Variants in SGCZ observed in about 807,000 individuals in gnomAD.
SGCZ encodes zeta-sarcoglycan.
SGCZ carries 40 observed loss-of-function variants against 41.3 expected under a neutral mutation model. The ratio of observed to expected loss-of-function variants is 0.97; its 90% CI spans 0.75 to 1.26. SGCZ has a LOEUF of 1.26. Ranked by LOEUF, SGCZ falls within the 50% of genes most tolerant of loss-of-function variation. SGCZ has a pLI of 0.00. For missense variants in SGCZ, 552 were observed against 369.8 expected (o/e 1.49, Z -4.04); for synonymous variants, 206 against 137.5 (o/e 1.50, Z -3.49).
intron 1 of SGCZ, among the ~76,000 whole-genome samples, chr8:14,611,140 G>A (rs1028555277): frequency 2.0e-4 from 30 of 152,166 alleles, no homozygotes; most frequent in African/African-American, 7.2e-4. Flanking sequence ...TTTTCTTTAT[G>A]AATATATTTC....
intron 2 of SGCZ, among the ~76,000 whole-genome samples, chr8:14,391,279 C>A (rs1320005874): frequency 6.6e-6 from 1 of 152,096 alleles, no homozygotes; most frequent in South Asian, 2.1e-4. Context: ...GTTAAAACTT[C>A]TTTAACTTGG....
chr8:14,590,319 C>G (rs1805200691), intron 1 of SGCZ, among the ~76,000 whole-genome samples: 1 of 151,768 alleles, frequency 6.6e-6, no homozygotes, highest in African/African-American at 2.4e-5. Flanking sequence ...TATAAAGAAG[C>G]TCATGACAGA....
chr8:14,157,336 CTGTGTGTGTG>C (rs71209015), intron 5 of SGCZ, among the ~76,000 whole-genome samples: 2 of 138,890 alleles, frequency 1.4e-5, no homozygotes, highest in Middle Eastern at 3.7e-3. Context: ...ATATATGCCT[CTGTGTGTGTG>C]TGTGTGTGTG....
At chr8:14,476,927 G>A (rs1262659225) in intron 2 of SGCZ, among the ~76,000 whole-genome samples, 4 of 152,036 alleles carry the variant, frequency 2.6e-5, no homozygotes, top group Admixed American at 6.6e-5. Context: ...CATTCCCCTC[G>A]TTGTGCTTTC....
At chr8:14,823,707 T>C (rs978077013) in intron 1 of SGCZ, among the ~76,000 whole-genome samples, 9 of 152,202 alleles carry the variant, frequency 5.9e-5, no homozygotes, top group African/African-American at 2.2e-4. Context: ...TACCATATCA[T>C]CCAGCAATTC....
At chr8:14,856,826 A>T (rs1369013175) in intron 1 of SGCZ, among the ~76,000 whole-genome samples, 1 of 152,148 alleles carries the variant, frequency 6.6e-6, no homozygotes, top group Non-Finnish European at 1.5e-5. Flanking sequence ...TTGTTAAGTA[A>T]TTAAAAGCAA....
intron 1 of SGCZ, among the ~76,000 whole-genome samples, chr8:15,211,446 C>A (rs928367425): frequency 3.3e-5 from 5 of 152,050 alleles, no homozygotes; most frequent in African/African-American, 1.2e-4. Context: ...TCCCATGAAC[C>A]TCCTACTATC....
At chr8:15,193,236 T>C (rs1374022537) in intron 1 of SGCZ, among the ~76,000 whole-genome samples, 1 of 152,080 alleles carries the variant, frequency 6.6e-6, no homozygotes, top group African/African-American at 2.4e-5. Flanking sequence ...AGACATTTGG[T>C]AGAAGACTAT....
chr8:14,396,893 T>C (rs7833562), intron 2 of SGCZ, among the ~76,000 whole-genome samples: 25,572 of 152,050 alleles, frequency 0.17, 5,080 homozygotes, highest in African/African-American at 0.48. Flanking sequence ...GAGGACCAGA[T>C]TGGCTTATTG....
intron 1 of SGCZ, among the ~76,000 whole-genome samples, chr8:14,620,298 T>C (rs1038462458): frequency 1.3e-5 from 2 of 152,106 alleles, no homozygotes; most frequent in African/African-American, 4.8e-5. Flanking sequence ...TCAAGATGGA[T>C]TAAAGACTTA....
chr8:14,551,578 ATAATATATATAATATATATTATATATATT>A, intron 2 of SGCZ, among the ~76,000 whole-genome samples: 1 of 34,736 alleles, frequency 2.9e-5, no homozygotes, highest in Non-Finnish European at 4.5e-5. Context: ...TAATATATAT[ATAATATATATAATATATATTATATATATT>A]ATATATATAC....
chr8:14,945,759 C>G (rs1264706960), intron 1 of SGCZ, among the ~76,000 whole-genome samples: 2 of 151,538 alleles, frequency 1.3e-5, no homozygotes, highest in Non-Finnish European at 2.9e-5. Flanking sequence ...GGACATCCTT[C>G]TTCTGCCCTA....
intron 1 of SGCZ, among the ~76,000 whole-genome samples, chr8:15,041,594 AG>A (rs1327645733): frequency 1.3e-5 from 2 of 152,126 alleles, no homozygotes; most frequent in Non-Finnish European, 2.9e-5. Context: ...TCAGATTCAG[AG>A]TATTTGTTGC....
intron 2 of SGCZ, among the ~76,000 whole-genome samples, chr8:14,474,350 A>G (rs1379382590): frequency 2.0e-5 from 3 of 152,236 alleles, no homozygotes; most frequent in Admixed American, 2.0e-4. Context: ...ATTAAGATGC[A>G]TTTTGGGTCT....
intron 1 of SGCZ, among the ~76,000 whole-genome samples, chr8:14,883,069 A>G (rs963473046): frequency 6.6e-6 from 1 of 152,042 alleles, no homozygotes; most frequent in African/African-American, 2.4e-5. Context: ...ATTTTTGAAA[A>G]GAAGCTTCAA....
intron 1 of SGCZ, among the ~76,000 whole-genome samples, chr8:14,675,780 G>A (rs1301816851): frequency 2.0e-5 from 3 of 152,088 alleles, no homozygotes; most frequent in Non-Finnish European, 4.4e-5. Context: ...AAATAACACT[G>A]ATATCAAAGA....
intron 5 of SGCZ, among the ~76,000 whole-genome samples, chr8:14,144,844 G>C (rs551768638): frequency 8.5e-5 from 13 of 152,106 alleles, no homozygotes; most frequent in Non-Finnish European, 1.8e-4. Flanking sequence ...TAGTCTGACC[G>C]TACTCCTTGT....
intron 1 of SGCZ, among the ~76,000 whole-genome samples, chr8:14,915,086 G>T (rs1031360114): frequency 6.6e-6 from 1 of 151,956 alleles, no homozygotes; most frequent in Non-Finnish European, 1.5e-5. Flanking sequence ...CTCTCATACT[G>T]CTTTTTCTAC....
chr8:14,325,647 T>C (rs2117036307), intron 2 of SGCZ, among the ~76,000 whole-genome samples: 1 of 144,626 alleles, frequency 6.9e-6, no homozygotes, highest in Non-Finnish European at 1.5e-5. Context: ...TCACATATAA[T>C]CAATGATATA....
Sources: gnomAD v4.1 joint callset for allele counts (sites outside exome capture counted in the v4.1 genomes callset) on GRCh38, gnomAD v4.1.1 for gene constraint, MANE v1.5 for transcripts, NCBI Gene and HGNC (gene_info 2026-07-23, HGNC 2026-07-21) for gene names.